Variants in DTNBP1 observed in about 807,000 individuals in gnomAD.
DTNBP1 encodes dysbindin.
In DTNBP1, 35 loss-of-function variants were observed where a neutral mutation model predicts 42.8. The ratio of observed to expected loss-of-function variants is 0.82; its 90% CI spans 0.63 to 1.09. The LOEUF (loss-of-function observed/expected upper bound fraction) is 1.09, where lower values mean the gene tolerates loss of function less well. Ranked by LOEUF, DTNBP1 falls within the 50% of genes least tolerant of loss-of-function variation. The pLI is 0.00. For synonymous variants in DTNBP1, 171 were observed against 162.2 expected, an observed-to-expected ratio of 1.05 and a Z score of -0.41; for missense variants, 457 against 424.2, an observed-to-expected ratio of 1.08 and a Z score of -0.68.
At chr6:15,580,403 T>G (rs182813558) in intron 7 of DTNBP1, among the ~76,000 whole-genome samples, 56 of 152,252 alleles carry the variant, frequency 3.7e-4, no homozygotes, top group Admixed American at 9.8e-4. Context: ...CCTTAAAAAA[T>G]GTAATACACT....
At chr6:15,542,146 A>C (rs1037321230) in intron 7 of DTNBP1, among the ~76,000 whole-genome samples, 10 of 152,214 alleles carry the variant, frequency 6.6e-5, no homozygotes, top group African/African-American at 9.6e-5. Context: ...TTGAGTTAGG[A>C]AATATGAGTT....
At chr6:15,662,241 G>A (rs1342103337) in intron 1 of DTNBP1, among the ~76,000 whole-genome samples, 1 of 152,270 alleles carries the variant, frequency 6.6e-6, no homozygotes, top group Non-Finnish European at 1.5e-5. Context: ...CACGGCAAAG[G>A]TAGAGAAAGG....
intron 6 of DTNBP1, among the ~76,000 whole-genome samples, chr6:15,612,871 T>C (rs1338699576): frequency 6.6e-6 from 1 of 152,224 alleles, no homozygotes. Flanking sequence ...AGAATGTCTC[T>C]CTAACTTTTC....
At chr6:15,579,879 T>C (rs528392057) in intron 7 of DTNBP1, 5 of 455,718 alleles carry the variant, frequency 1.1e-5, no homozygotes, top group African/African-American at 6.0e-5. Context: ...GTGATAGATA[T>C]GCTAATTATC....
chr6:15,649,911 A>G (rs891024139), intron 3 of DTNBP1, among the ~76,000 whole-genome samples: 1 of 152,236 alleles, frequency 6.6e-6, no homozygotes, highest in South Asian at 2.1e-4. Context: ...CTAAGTTTCT[A>G]GAGAAAAAAT....
chr6:15,542,408 T>G (rs1344420016), intron 7 of DTNBP1, among the ~76,000 whole-genome samples: 2 of 152,214 alleles, frequency 1.3e-5, no homozygotes, highest in African/African-American at 4.8e-5. Context: ...AATCTCACTC[T>G]GTCACCAGGC....
At chr6:15,655,896 T>C (rs911903870) in intron 1 of DTNBP1, among the ~76,000 whole-genome samples, 1 of 151,382 alleles carries the variant, frequency 6.6e-6, no homozygotes, top group Non-Finnish European at 1.5e-5. Context: ...GGAGAACTTA[T>C]TCTGTCCTGG....
intron 7 of DTNBP1, among the ~76,000 whole-genome samples, chr6:15,543,684 T>G (rs1773709585): frequency 6.6e-6 from 1 of 152,220 alleles, no homozygotes; most frequent in Non-Finnish European, 1.5e-5. Context: ...TTCCTCATTC[T>G]TTACTCTCCT....
intron 1 of DTNBP1, among the ~76,000 whole-genome samples, chr6:15,652,351 T>A (rs1761051537): frequency 6.6e-6 from 1 of 151,996 alleles, no homozygotes; most frequent in Non-Finnish European, 1.5e-5. Flanking sequence ...GGGTAATTTC[T>A]TTTTTTATTT....
chr6:15,555,186 T>TA (rs1394825141), intron 7 of DTNBP1, among the ~76,000 whole-genome samples: 1 of 149,172 alleles, frequency 6.7e-6, no homozygotes, highest in Non-Finnish European at 1.5e-5. Flanking sequence ...CCTACATAAA[T>TA]ACGCACACAA....
chr6:15,578,382 G>C (rs1775675101), intron 7 of DTNBP1, among the ~76,000 whole-genome samples: 1 of 152,218 alleles, frequency 6.6e-6, no homozygotes, highest in South Asian at 2.1e-4. Flanking sequence ...TGCCAGCCTG[G>C]ATGAAGGCTT....
chr6:15,614,966 T>G (rs1191007349), intron 6 of DTNBP1: 1 of 461,652 alleles, frequency 2.2e-6, no homozygotes, highest in Non-Finnish European at 4.1e-6. Flanking sequence ...ACCCAGTCAT[T>G]TGCCTCTTGG....
chr6:15,544,621 C>G (rs1773770117), intron 7 of DTNBP1, among the ~76,000 whole-genome samples: 1 of 152,218 alleles, frequency 6.6e-6, no homozygotes, highest in Non-Finnish European at 1.5e-5. Context: ...GCGCTGAAAT[C>G]TGAAGCTTTT....
At chr6:15,647,105 C>T (rs993533874) in intron 3 of DTNBP1, among the ~76,000 whole-genome samples, 1 of 151,616 alleles carries the variant, frequency 6.6e-6, no homozygotes, top group African/African-American at 2.4e-5. Flanking sequence ...ACTATGCATC[C>T]ATCAAAAGAC....
At chr6:15,625,255 AACCATCCAGACAT>A (rs956694398) in intron 5 of DTNBP1, among the ~76,000 whole-genome samples, 4 of 152,234 alleles carry the variant, frequency 2.6e-5, no homozygotes, top group African/African-American at 4.8e-5. Context: ...TATGAAAAGC[AACCATCCAGACAT>A]ACCTTCTAAA....
intron 6 of DTNBP1, among the ~76,000 whole-genome samples, chr6:15,605,730 C>T (rs766031444): frequency 5.3e-5 from 8 of 152,024 alleles, no homozygotes; most frequent in African/African-American, 1.4e-4. Flanking sequence ...TCTTTCTTTA[C>T]GAAAAATGTA....
chr6:15,651,194 A>G lies in DTNBP1; in HGVS notation c.161+119T>C. On this transcript the variant is annotated intron_variant, in intron 3 of 9. Coordinates refer to ENST00000344537, the MANE Select transcript of DTNBP1 (RefSeq NM_032122.5). ...GAAAATAATACATAAATAATTTCCA[A>G]TCACTGCATTAAGATAAAATTTAGC... 11 of 894,274 alleles carry G rather than the reference A, an allele frequency of 1.2e-5. No individual in the cohort carries two copies. In the South Asian group the frequency reaches 1.6e-4, roughly 13 times the overall value. 55.4% of individuals were successfully genotyped at this position (894,274 alleles called of 1,614,324 possible).
intron 4 of DTNBP1, among the ~76,000 whole-genome samples, chr6:15,635,448 A>T (rs1456511796): frequency 6.6e-6 from 1 of 152,090 alleles, no homozygotes; most frequent in Admixed American, 6.6e-5. Flanking sequence ...TGAGGTGTCT[A>T]GGAATGGATT....
At chr6:15,568,016 C>A (rs1775174116) in intron 7 of DTNBP1, among the ~76,000 whole-genome samples, 1 of 152,074 alleles carries the variant, frequency 6.6e-6, no homozygotes, top group Non-Finnish European at 1.5e-5. Flanking sequence ...CATGCTGCCC[C>A]AAAATATGGT....
Sources: gnomAD v4.1 joint callset for allele counts (sites outside exome capture counted in the v4.1 genomes callset) on GRCh38, gnomAD v4.1.1 for gene constraint, MANE v1.5 for transcripts, NCBI Gene and HGNC (gene_info 2026-07-23, HGNC 2026-07-21) for gene names.